The following CNTNAP2 variants were observed in gnomAD, a reference collection of about 807,000 sequenced individuals.
CNTNAP2 encodes contactin-associated protein-like 2.
In CNTNAP2, 98 loss-of-function variants were observed where a neutral mutation model predicts 155.2. The observed-to-expected ratio is 0.63, with a 90% confidence interval of 0.54 to 0.75. CNTNAP2 has a LOEUF of 0.75. Ranked by LOEUF, CNTNAP2 falls within the 30% of genes least tolerant of loss-of-function variation. The pLI is 0.00. For missense variants in CNTNAP2, 1,727 were observed against 1,688.1 expected (o/e 1.02, Z -0.40); for synonymous variants, 651 against 631.2 (o/e 1.03, Z -0.47).
intron 8 of CNTNAP2, among the ~76,000 whole-genome samples, chr7:147,202,249 A>AG (rs1802936623): frequency 6.6e-6 from 1 of 151,740 alleles, no homozygotes; most frequent in African/African-American, 2.4e-5. Context: ...TTTAAAAAAA[A>AG]AAAAGAAATC....
intron 12 of CNTNAP2, among the ~76,000 whole-genome samples, chr7:147,587,593 T>C (rs1052243350): frequency 6.6e-6 from 1 of 152,122 alleles, no homozygotes; most frequent in South Asian, 2.1e-4. Context: ...GCTTATAGAG[T>C]TGGAAGTGTT....
chr7:146,161,501 C>T (rs961176921), intron 1 of CNTNAP2, among the ~76,000 whole-genome samples: 25 of 152,074 alleles, frequency 1.6e-4, no homozygotes, highest in African/African-American at 3.9e-4. Context: ...CACTGCTCAA[C>T]GAAATAAAAG....
intron 8 of CNTNAP2, among the ~76,000 whole-genome samples, chr7:147,150,423 G>C (rs970640533): frequency 6.6e-6 from 1 of 152,044 alleles, no homozygotes; most frequent in Non-Finnish European, 1.5e-5. Flanking sequence ...GTAGAGTAGA[G>C]TATAGTTCAG....
At chr7:146,842,862 T>G (rs918313826) in intron 3 of CNTNAP2, among the ~76,000 whole-genome samples, 1 of 150,806 alleles carries the variant, frequency 6.6e-6, no homozygotes, top group Non-Finnish European at 1.5e-5. Flanking sequence ...ATTTTTTGTA[T>G]TTTTAGTAGA....
chr7:147,362,459 T>C (rs964157906), intron 9 of CNTNAP2, among the ~76,000 whole-genome samples: 1 of 152,170 alleles, frequency 6.6e-6, no homozygotes, highest in Non-Finnish European at 1.5e-5. Context: ...TTTTATGTCC[T>C]AGCCTTAGAC....
chr7:146,536,565 C>T (rs1207502961), intron 1 of CNTNAP2, among the ~76,000 whole-genome samples: 1 of 151,662 alleles, frequency 6.6e-6, no homozygotes, highest in Admixed American at 6.6e-5. Context: ...TGACTGTTGA[C>T]TGCTCACTGC....
intron 10 of CNTNAP2, among the ~76,000 whole-genome samples, chr7:147,425,532 T>G (rs1797364704): frequency 1.3e-5 from 2 of 152,204 alleles, no homozygotes; most frequent in South Asian, 4.1e-4. Context: ...AGAAACTCCC[T>G]GATCTAGCAT....
intron 14 of CNTNAP2, among the ~76,000 whole-genome samples, chr7:147,948,214 T>C (rs551913315): frequency 1.1e-4 from 17 of 151,816 alleles, no homozygotes; most frequent in South Asian, 8.3e-4. Flanking sequence ...TAGAAAAAAA[T>C]AGAAAGAATG....
At chr7:148,200,834 G>T (rs1415713458) in intron 18 of CNTNAP2, among the ~76,000 whole-genome samples, 1 of 152,152 alleles carries the variant, frequency 6.6e-6, no homozygotes, top group African/African-American at 2.4e-5. Context: ...TACCTTCTCT[G>T]AATCTCCATT....
chr7:147,284,850 G>A (rs1404855579), intron 8 of CNTNAP2, among the ~76,000 whole-genome samples: 1 of 151,846 alleles, frequency 6.6e-6, no homozygotes, highest in Admixed American at 6.6e-5. Flanking sequence ...ACCTTTCAAG[G>A]TTCAGTCCTC....
intron 3 of CNTNAP2, among the ~76,000 whole-genome samples, chr7:147,020,646 G>A (rs1174363238): frequency 6.6e-6 from 1 of 152,180 alleles, no homozygotes; most frequent in Non-Finnish European, 1.5e-5. Context: ...TTAGACCAAT[G>A]AAATAACACA....
At chr7:147,555,753 G>A (rs1323642598) in intron 11 of CNTNAP2, among the ~76,000 whole-genome samples, 2 of 152,280 alleles carry the variant, frequency 1.3e-5, no homozygotes, top group African/African-American at 2.4e-5. Flanking sequence ...GGTCACAACA[G>A]GAAGGATGTA....
At chr7:146,299,868 G>T (rs886421751) in intron 1 of CNTNAP2, among the ~76,000 whole-genome samples, 2 of 152,168 alleles carry the variant, frequency 1.3e-5, no homozygotes, top group Non-Finnish European at 2.9e-5. Flanking sequence ...GATTATAATG[G>T]TAGAGAATAA....
rs150314102 is a variant in CNTNAP2 at position 146,652,834 on chromosome 7, C to A, written c.98-121437C>A. On this transcript the variant is annotated intron_variant, in intron 1 of 23. Coordinates refer to ENST00000361727, the MANE Select transcript of CNTNAP2 (RefSeq NM_014141.6). ...TTTGTGGTTGGGAGGAAAAAGAAGGCAACTGTATTTCATCAGCTTTGAAGA... is the reference window on the plus strand; with the variant it reads ...TTTGTGGTTGGGAGGAAAAAGAAGGAAACTGTATTTCATCAGCTTTGAAGA... Among the ~76,000 whole-genome samples the A allele has an allele frequency of 3.7e-4, 57 of 152,166 alleles. 1 individual carries two copies. In the East Asian group the frequency reaches 5.6e-3, roughly 15 times the overall value.
At chr7:147,203,364 T>C (rs112168269) in intron 8 of CNTNAP2, among the ~76,000 whole-genome samples, 1 of 152,242 alleles carries the variant, frequency 6.6e-6, no homozygotes, top group East Asian at 1.9e-4. Flanking sequence ...CCCCAGTAGC[T>C]GGGATTACAG....
intron 3 of CNTNAP2, among the ~76,000 whole-genome samples, chr7:146,848,992 G>T (rs1209277486): frequency 6.6e-6 from 1 of 152,038 alleles, no homozygotes; most frequent in East Asian, 1.9e-4. Flanking sequence ...TGTTGGCCAG[G>T]CTGGCCTTGA....
chr7:147,468,781 G>A (rs1798162250), intron 10 of CNTNAP2, among the ~76,000 whole-genome samples: 3 of 151,960 alleles, frequency 2.0e-5, no homozygotes, highest in African/African-American at 7.2e-5. Context: ...TAAAGATTAT[G>A]TAAGAAAGTA....
chr7:147,738,764 C>T (rs1023968537), intron 13 of CNTNAP2, among the ~76,000 whole-genome samples: 2 of 150,940 alleles, frequency 1.3e-5, no homozygotes, highest in Non-Finnish European at 2.9e-5. Flanking sequence ...AGGTGATTCT[C>T]CTGCCTTAGC....
chr7:146,119,079 A>G (rs2693303), intron 1 of CNTNAP2, among the ~76,000 whole-genome samples: 81,125 of 149,204 alleles, frequency 0.54, 21,872 homozygotes, highest in East Asian at 0.66. Flanking sequence ...AGCTCTGAAG[A>G]AAAGTATGAT....
Sources: gnomAD v4.1 joint callset for allele counts (sites outside exome capture counted in the v4.1 genomes callset) on GRCh38, gnomAD v4.1.1 for gene constraint, MANE v1.5 for transcripts, NCBI Gene and HGNC (gene_info 2026-07-23, HGNC 2026-07-21) for gene names.